The following DACH1 variants were observed in gnomAD, a reference collection of about 807,000 sequenced individuals.
The protein encoded by DACH1 is dachshund family transcription factor 1, also known as dachshund homolog 1.
In DACH1, 12 loss-of-function variants were observed where a neutral mutation model predicts 54.2. The ratio of observed to expected loss-of-function variants is 0.22; its 90% CI spans 0.14 to 0.36. The LOEUF is 0.36. Among genes scored for constraint, DACH1 ranks in the 10% least tolerant of loss-of-function variants. The probability of loss-of-function intolerance (pLI) is 1.00; values close to 1 mark genes in which losing one functional copy is unlikely to be tolerated. For synonymous variants in DACH1, 386 were observed against 366.2 expected (o/e 1.05, Z -0.62); for missense variants, 805 against 929.8 (o/e 0.87, Z 1.75).
chr13:71,838,022 G>T (rs1888866341), intron 1 of DACH1, among the ~76,000 whole-genome samples: 1 of 36,028 alleles, frequency 2.8e-5, no homozygotes, highest in Non-Finnish European at 4.6e-5. Context: ...GGGGAGGGGG[G>T]AGGGAAAAAA....
intron 10 of DACH1, among the ~76,000 whole-genome samples, chr13:71,442,375 T>C (rs1311995262): frequency 6.6e-6 from 1 of 152,182 alleles, no homozygotes; most frequent in Admixed American, 6.5e-5. Flanking sequence ...CAGGATCTCA[T>C]TCTTTTTATG....
At chr13:71,747,842 T>C (rs1465729121) in intron 1 of DACH1, among the ~76,000 whole-genome samples, 1 of 152,126 alleles carries the variant, frequency 6.6e-6, no homozygotes, top group Non-Finnish European at 1.5e-5. Flanking sequence ...GGTCCCTGTA[T>C]AGCACTGTAG....
At chr13:71,699,239 A>G (rs979617347) in intron 1 of DACH1, among the ~76,000 whole-genome samples, 1 of 152,128 alleles carries the variant, frequency 6.6e-6, no homozygotes, top group African/African-American at 2.4e-5. Context: ...AGAAAATACT[A>G]TGTCAAAAAC....
At chr13:71,546,619 T>C (rs1209814880) in intron 6 of DACH1, among the ~76,000 whole-genome samples, 3 of 151,944 alleles carry the variant, frequency 2.0e-5, no homozygotes, top group Non-Finnish European at 4.4e-5. Flanking sequence ...AAAAAGCATT[T>C]CTATACACAA....
At chr13:71,594,396 G>A (rs1156639558) in intron 3 of DACH1, among the ~76,000 whole-genome samples, 2 of 151,808 alleles carry the variant, frequency 1.3e-5, no homozygotes, top group Non-Finnish European at 2.9e-5. Context: ...TACCTACTAA[G>A]GAAACACCAT....
At chr13:71,528,419 G>C (rs919841560) in intron 6 of DACH1, among the ~76,000 whole-genome samples, 13 of 130,022 alleles carry the variant, frequency 1.0e-4, no homozygotes, top group African/African-American at 3.5e-4. Flanking sequence ...CGGAAAAACA[G>C]ATTTTCTTTT....
intron 2 of DACH1, among the ~76,000 whole-genome samples, chr13:71,655,315 C>A (rs1438719555): frequency 6.6e-6 from 1 of 151,618 alleles, no homozygotes; most frequent in East Asian, 1.9e-4. Context: ...CATCACTTAG[C>A]AAAACCTTCA....
At chr13:71,585,934 T>C (rs1205410316) in intron 3 of DACH1, among the ~76,000 whole-genome samples, 3 of 152,130 alleles carry the variant, frequency 2.0e-5, no homozygotes, top group Admixed American at 2.0e-4. Context: ...TCTCTATCAT[T>C]AGAGTTTTCT....
intron 6 of DACH1, among the ~76,000 whole-genome samples, chr13:71,527,430 T>C (rs1882064190): frequency 6.6e-6 from 1 of 152,214 alleles, no homozygotes; most frequent in South Asian, 2.1e-4. Flanking sequence ...TAACAGATTG[T>C]ATTTTCCCAA....
At chr13:71,690,840 G>A (rs1393812801) in intron 1 of DACH1, among the ~76,000 whole-genome samples, 2 of 152,154 alleles carry the variant, frequency 1.3e-5, no homozygotes, top group African/African-American at 4.8e-5. Context: ...GCTGAGGCAA[G>A]AGGATCCCTT....
chr13:71,746,443 AAT>A (rs1884605367), intron 1 of DACH1, among the ~76,000 whole-genome samples: 1 of 152,166 alleles, frequency 6.6e-6, no homozygotes, highest in African/African-American at 2.4e-5. Context: ...ACTTAACTGC[AAT>A]ATGTTTTTTA....
intron 5 of DACH1, among the ~76,000 whole-genome samples, chr13:71,558,765 TA>T (rs566790694): frequency 3.0e-4 from 46 of 152,142 alleles, no homozygotes; most frequent in African/African-American, 1.1e-3. Context: ...TAATTGCCAA[TA>T]ATTGACTATC....
chr13:71,626,053 C>A (rs569699777), intron 3 of DACH1, among the ~76,000 whole-genome samples: 1 of 151,846 alleles, frequency 6.6e-6, no homozygotes, highest in African/African-American at 2.4e-5. Flanking sequence ...ATAGTGTTTT[C>A]CTTAAATAAA....
intron 1 of DACH1, among the ~76,000 whole-genome samples, chr13:71,856,689 CT>C (rs1874024873): frequency 6.6e-6 from 1 of 151,854 alleles, no homozygotes; most frequent in African/African-American, 2.4e-5. Context: ...TTATAAGCGT[CT>C]TTCTATGTTG....
At chr13:71,559,746 G>C in intron 5 of DACH1, 74 bp downstream of exon 5, 1 of 1,568,716 alleles carries the variant, frequency 6.4e-7, no homozygotes, top group African/African-American at 1.3e-5. Context: ...TTGGAATGAG[G>C]GCATGTTGAT....
intron 1 of DACH1, among the ~76,000 whole-genome samples, chr13:71,813,951 C>A (rs1887817260): frequency 6.6e-6 from 1 of 152,128 alleles, no homozygotes; most frequent in African/African-American, 2.4e-5. Context: ...GTTAAGCCCT[C>A]AAGCCAAGGA....
At position 71,696,550 on chromosome 13, in the gene DACH1, C is replaced by CT. The variant is rs201321215; in HGVS notation, c.849-14641dup. 9.3e-3 allele frequency among the ~76,000 whole-genome samples: 1,345 copies of CT among 144,610 alleles called. 6 individuals are homozygous for CT. The highest frequency in any genetic ancestry group is 0.019 in the African/African-American group (764 of 39,782). The allele number at this position is 144,610 out of a possible 152,430, so 94.9% of individuals were successfully genotyped here. A position where few individuals can be genotyped will look rare whatever the true frequency, so the allele number is the denominator to read the frequency against. On this transcript the variant is annotated intron_variant, in intron 1 of 10. Transcript: ENST00000613252. ...ATATCTAGATAATTTTTCAAATTCACTTTTTTTTTTTTTTGAGACAGAATT... is the reference window on the plus strand; with the variant it reads ...ATATCTAGATAATTTTTCAAATTCACTTTTTTTTTTTTTTTGAGACAGAATT...
At position 71,467,452 on chromosome 13, in the gene DACH1, A is replaced by G. The variant is rs377575285; in HGVS notation, c.2083+7689T>C. Among the ~76,000 whole-genome samples, 26 of 151,450 alleles carry G rather than the reference A, an allele frequency of 1.7e-4. No homozygotes were observed. In the East Asian group the frequency reaches 2.9e-3, roughly 17 times the overall value. On this transcript the variant is annotated intron_variant, in intron 10 of 10. Transcript: ENST00000613252. ...CAGCATGGCCATGTATACATATGTA[A>G]CTAACCTGCACATTGTGCACATGTA...
intron 1 of DACH1, among the ~76,000 whole-genome samples, chr13:71,757,058 C>T (rs112612231): frequency 8.0e-4 from 121 of 152,126 alleles, no homozygotes; most frequent in African/African-American, 2.8e-3. Flanking sequence ...TATTAAAAGT[C>T]CTAATAAAAA....
Sources: allele counts gnomAD v4.1 joint callset (sites outside exome capture counted in the v4.1 genomes callset), GRCh38; gene constraint gnomAD v4.1.1; transcripts MANE v1.5; gene names NCBI Gene and HGNC (gene_info 2026-07-23, HGNC 2026-07-21).